AMPD3: variants seen among roughly 807,000 people sequenced by gnomAD.
The protein encoded by AMPD3 is AMP deaminase 3.
Under a neutral mutation model 82.3 loss-of-function variants are expected in AMPD3, and 57 were observed. The ratio of observed to expected loss-of-function variants is 0.69; its 90% confidence interval spans 0.56 to 0.86. The LOEUF (loss-of-function observed/expected upper bound fraction) is 0.86. Ranked by LOEUF, AMPD3 falls within the 40% of genes least tolerant of loss-of-function variation. AMPD3 has a pLI of 0.00. For missense variants in AMPD3, 870 were observed against 1,003.8 expected (o/e 0.87, Z 1.80); for synonymous variants, 381 against 394.7 (o/e 0.97, Z 0.41).
Position 10,478,652 on chromosome 11 carries a change from C to A in AMPD3, c.348C>A (p.Ala116=). The part of the protein sequence containing the change: ...MSPTTPVVTG[A]TSLPTPAPYA... ...CCACAACCCCTGTGGTCACTGGAGC[C>A]ACTTCCCTGCCCACGCCAGCACCCT... Residue 116 remains alanine, a synonymous_variant, in exon 3 of 15, where the codon GCC becomes GCA. Coordinates refer to ENST00000396553, the MANE Select transcript of AMPD3 (RefSeq NM_001025389.2). The A allele has an allele frequency of 6.2e-7, 1 of 1,614,228 alleles. No individual in the cohort carries two copies. Among genetic ancestry groups the A allele is most frequent in the African/African-American group, 1.3e-5 (1 of 75,066 alleles).
chr11:10,502,746 A>G lies in AMPD3; in HGVS notation c.1868A>G (p.Tyr623Cys). Residue 623 changes from tyrosine to cysteine, a missense_variant, in exon 13 of 15, where the codon TAC becomes TGC. By Grantham distance (194) the Tyr-to-Cys change is radical. Coordinates refer to ENST00000396553, the MANE Select transcript of AMPD3 (RefSeq NM_001025389.2). ...KKSPVLQYLYYLAQIPIAMSP... is the reference protein window; with the variant it reads ...KKSPVLQYLYCLAQIPIAMSP... ...AGTCCGGTATTGCAGTATCTCTACT[A>G]CCTTGCTCAGATCCCCATTGCCATG... 6.2e-7 allele frequency: 1 copy of G among 1,614,028 alleles called. No individual in the cohort carries two copies.
At chr11:10,463,384 C>T (rs776595092) in intron 2 of AMPD3, among the ~76,000 whole-genome samples, 5 of 152,184 alleles carry the variant, frequency 3.3e-5, no homozygotes, top group Non-Finnish European at 7.3e-5. Flanking sequence ...GAGTGCCAGC[C>T]TTGTGTTGGA....
chr11:10,464,095 G>A (rs1226234515), intron 2 of AMPD3, among the ~76,000 whole-genome samples: 1 of 152,176 alleles, frequency 6.6e-6, no homozygotes, highest in Admixed American at 6.5e-5. Flanking sequence ...TACCTTCATG[G>A]GGTGTTGTGA....
At chr11:10,475,940 A>C (rs754192622) in intron 2 of AMPD3, among the ~76,000 whole-genome samples, 26 of 152,192 alleles carry the variant, frequency 1.7e-4, no homozygotes, top group Non-Finnish European at 3.5e-4. Context: ...AACTCCAGAC[A>C]AGAGTACAGT....
intron 2 of AMPD3, among the ~76,000 whole-genome samples, chr11:10,465,955 G>A (rs907990033): frequency 1.3e-5 from 2 of 152,004 alleles, no homozygotes; most frequent in Non-Finnish European, 2.9e-5. Context: ...GCCCCATGGA[G>A]CCCAGCAAAC....
chr11:10,487,169 G>A, intron 5 of AMPD3, 66 bp from the exon 6 acceptor site: 2 of 1,609,572 alleles, frequency 1.2e-6, no homozygotes, highest in East Asian at 4.5e-5. Context: ...TGCAGATGCT[G>A]GAGGCCTCCA....
chr11:10,459,562 T>G (rs1426591517), intron 1 of AMPD3, among the ~76,000 whole-genome samples: 1 of 152,128 alleles, frequency 6.6e-6, no homozygotes, highest in Non-Finnish European at 1.5e-5. Flanking sequence ...CTGTCTCATC[T>G]CCATTCTTGT....
intron 2 of AMPD3, among the ~76,000 whole-genome samples, chr11:10,474,305 G>C (rs761413217): frequency 5.3e-5 from 8 of 152,204 alleles, no homozygotes; most frequent in Non-Finnish European, 1.2e-4. Flanking sequence ...CCTGGTGAAA[G>C]GTTGGCTCCA....
At chr11:10,455,193 A>G (rs961654867), upstream of AMPD3, 28 of 985,270 alleles carry the variant, frequency 2.8e-5, no homozygotes, top group Middle Eastern at 5.2e-4. Flanking sequence ...CATTTTGCTC[A>G]TGGTTATTTC....
intron 5 of AMPD3, among the ~76,000 whole-genome samples, chr11:10,485,960 G>A (rs376850843): frequency 3.3e-5 from 5 of 152,058 alleles, no homozygotes; most frequent in African/African-American, 1.2e-4. Context: ...AGTCACTCCT[G>A]AGGACCTTCT....
At chr11:10,455,222 C>T (rs2079147367), upstream of AMPD3, 10 of 985,410 alleles carry the variant, frequency 1.0e-5, no homozygotes, top group Non-Finnish European at 1.2e-5. Context: ...ACAGGATTTG[C>T]CTAAGTCACT....
chr11:10,450,429 A>C (rs1847931740), upstream of AMPD3: 1 of 985,934 alleles, frequency 1.0e-6, no homozygotes, highest in Non-Finnish European at 1.2e-6. Flanking sequence ...GGGTTGCTGC[A>C]ACTACAGGGA....
intron 12 of AMPD3, 61 bp from the exon 13 acceptor site, chr11:10,502,659 CT>C: frequency 6.2e-7 from 1 of 1,602,408 alleles, no homozygotes; most frequent in Non-Finnish European, 8.5e-7. Flanking sequence ...TCCTTTCTCC[CT>C]TCCCTTTTCC....
intron 8 of AMPD3, 68 bp downstream of exon 8, chr11:10,495,098 G>A: frequency 1.2e-6 from 2 of 1,612,962 alleles, no homozygotes; most frequent in East Asian, 2.2e-5. Context: ...AGAGAGTGGG[G>A]GCCCTGTGTG....
chr11:10,450,758 C>T (rs903293237), upstream of AMPD3: 24 of 1,154,568 alleles, frequency 2.1e-5, no homozygotes, highest in Non-Finnish European at 2.6e-5. Flanking sequence ...CTCCGCTCCG[C>T]GCCCAGGTAG....
intron 10 of AMPD3, 152 bp downstream of exon 10, chr11:10,497,090 G>A: frequency 9.5e-7 from 1 of 1,047,714 alleles, no homozygotes; most frequent in Non-Finnish European, 1.5e-6. Context: ...GCCCCAAGAA[G>A]CTAGATTTCT....
chr11:10,475,032 A>G (rs1848698782), intron 2 of AMPD3, among the ~76,000 whole-genome samples: 1 of 152,178 alleles, frequency 6.6e-6, no homozygotes, highest in African/African-American at 2.4e-5. Flanking sequence ...ATAAAGAAAT[A>G]CCTGAGACTG....
At chr11:10,463,246 G>GT (rs1418274307) in intron 2 of AMPD3, among the ~76,000 whole-genome samples, 2 of 152,174 alleles carry the variant, frequency 1.3e-5, no homozygotes, top group African/African-American at 4.8e-5. Flanking sequence ...TTGGAAAGAA[G>GT]TAAAAAGTTG....
intron 2 of AMPD3, chr11:10,473,666 C>A (rs923686056): frequency 1.1e-6 from 1 of 908,672 alleles, no homozygotes; most frequent in African/African-American, 1.8e-5. Flanking sequence ...TGTAGGGACC[C>A]CTGTTATAGT....
Sources: gnomAD v4.1 joint callset for allele counts (sites outside exome capture counted in the v4.1 genomes callset) on GRCh38, gnomAD v4.1.1 for gene constraint, MANE v1.5 for transcripts, NCBI Gene and HGNC (gene_info 2026-07-23, HGNC 2026-07-21) for gene names.